ULK4: variants seen among roughly 807,000 people sequenced by gnomAD.
ULK4 encodes the protein unc-51 like kinase 4.
ULK4 carries 133 observed loss-of-function variants against 160.6 expected under a neutral mutation model. The observed-to-expected ratio is 0.83, with a 90% CI of 0.72 to 0.96. The LOEUF (loss-of-function observed/expected upper bound fraction) is 0.96. Ranked by LOEUF, ULK4 falls within the 40% of genes least tolerant of loss-of-function variation. The probability of loss-of-function intolerance (pLI) is 0.00; values close to 1 mark genes in which losing one functional copy is unlikely to be tolerated. For missense variants in ULK4, 1,580 were observed against 1,499.5 expected, an observed-to-expected ratio of 1.05 and a Z score of -0.89; for synonymous variants, 534 against 539.8, an observed-to-expected ratio of 0.99 and a Z score of 0.15.
At chr3:41,747,247 A>G (rs897439167) in intron 22 of ULK4, among the ~76,000 whole-genome samples, 3 of 151,946 alleles carry the variant, frequency 2.0e-5, no homozygotes, top group African/African-American at 4.9e-5. Context: ...TGCAAACCGT[A>G]TATCTGACAG....
At chr3:41,396,329 T>C (rs1028578294) in intron 35 of ULK4, among the ~76,000 whole-genome samples, 1 of 100,970 alleles carries the variant, frequency 9.9e-6, no homozygotes, top group African/African-American at 6.4e-5. Context: ...CTGAAATTTC[T>C]AAGTTTCAAA....
rs551099371 is a variant in ULK4 at position 41,932,003 on chromosome 3, G to A, written c.382C>T (p.Leu128Phe). Residue 128 changes from leucine to phenylalanine, a missense_variant, in exon 5 of 37, where the codon CTC (leucine) becomes TTC (phenylalanine). Transcript: ENST00000301831. ...TTCAGTGTGCCAGGCCCTTCCAAGA[G>A]TATCTATGAAGATCAAATAAATGTT... is the stretch of plus-strand genomic sequence containing the variant. Reference protein sequence around the residue: ...LFCDISPRKILLEGPGTLKFS... With the variant: ...LFCDISPRKIFLEGPGTLKFS... 8.1e-6 allele frequency: 13 copies of A among 1,612,028 alleles called. No individual in the cohort carries two copies. Among genetic ancestry groups the A allele is most frequent in the South Asian group, 3.3e-5 (3 of 90,796 alleles).
intron 17 of ULK4, among the ~76,000 whole-genome samples, chr3:41,859,943 C>T (rs888230337): frequency 6.6e-6 from 1 of 150,670 alleles, no homozygotes; most frequent in African/African-American, 2.4e-5. Context: ...GCTGGGGTTA[C>T]AGGCATGAGC....
At chr3:41,456,208 C>A (rs558753431) in intron 33 of ULK4, among the ~76,000 whole-genome samples, 43 of 152,152 alleles carry the variant, frequency 2.8e-4, no homozygotes, top group Non-Finnish European at 5.3e-4. Context: ...CCGCGCCCAG[C>A]CAAAAGTGCT....
At chr3:41,336,426 T>C (rs1664661179) in intron 35 of ULK4, among the ~76,000 whole-genome samples, 1 of 152,180 alleles carries the variant, frequency 6.6e-6, no homozygotes, top group Non-Finnish European at 1.5e-5. Flanking sequence ...AGAAAAAGTG[T>C]GTCAGAGGAA....
At chr3:41,435,917 T>TA (rs2083025057) in intron 34 of ULK4, among the ~76,000 whole-genome samples, 1 of 151,804 alleles carries the variant, frequency 6.6e-6, no homozygotes, top group Non-Finnish European at 1.5e-5. Flanking sequence ...CATTGTACTC[T>TA]AGCCTGGGCA....
chr3:41,283,965 AAAATAAATAAAT>A lies in ULK4; in HGVS notation c.3679-34403_3679-34392del, dbSNP rs58834032. On this transcript the variant is annotated intron_variant, in intron 35 of 36. Coordinates refer to ENST00000301831, the MANE Select transcript of ULK4 (RefSeq NM_017886.4). Reference sequence around the variant, plus strand: ...TCAACCCCTTTTACAATAGCTGCCAAAAATAAATAAATAAATAAATAAATAAAATACTTAGGA... The same window carrying A: ...TCAACCCCTTTTACAATAGCTGCCAAAAATAAATAAATAAAATACTTAGGA... Among the ~76,000 whole-genome samples, 380 of 150,438 alleles carry A rather than the reference AAAATAAATAAAT, an allele frequency of 2.5e-3. 1 individual carries two copies. The highest frequency in any genetic ancestry group is 9.0e-3 in the African/African-American group (364 of 40,656).
At chr3:41,834,907 C>T (rs1463657971) in intron 18 of ULK4, among the ~76,000 whole-genome samples, 1 of 151,980 alleles carries the variant, frequency 6.6e-6, no homozygotes, top group Non-Finnish European at 1.5e-5. Flanking sequence ...TAGCCAGGCA[C>T]GGAGGTGCAT....
chr3:41,641,615 C>T (rs947197088), intron 30 of ULK4, among the ~76,000 whole-genome samples: 1 of 152,090 alleles, frequency 6.6e-6, no homozygotes. Context: ...AAACCACTGG[C>T]CCTAAAGCCT....
At chr3:41,416,822 G>C (rs1364864573) in intron 34 of ULK4, among the ~76,000 whole-genome samples, 1 of 152,090 alleles carries the variant, frequency 6.6e-6, no homozygotes, top group Admixed American at 6.6e-5. Context: ...GGAGAAAGGG[G>C]GACCCAAATT....
intron 35 of ULK4, among the ~76,000 whole-genome samples, chr3:41,272,753 C>CTTT (rs2079160362): frequency 6.6e-6 from 1 of 152,142 alleles, no homozygotes; most frequent in Non-Finnish European, 1.5e-5. Context: ...TGTTAGGACA[C>CTTT]TTAAAGTTAT....
chr3:41,385,370 T>C (rs2081783005), intron 35 of ULK4, among the ~76,000 whole-genome samples: 1 of 152,064 alleles, frequency 6.6e-6, no homozygotes, highest in Non-Finnish European at 1.5e-5. Flanking sequence ...ACAAATTTTA[T>C]CTGCTAGGAT....
rs151236700 is a variant in ULK4, at chr3:41,798,743, G to A, written c.2010+1389C>T. 3.3e-3 allele frequency among the ~76,000 whole-genome samples: 504 copies of A among 151,980 alleles called. 4 individuals carry two copies. Among genetic ancestry groups the A allele is most frequent in the Admixed American group, 7.2e-3 (109 of 15,228 alleles). Reference sequence around the variant, plus strand: ...GGGGGATATGCAGCCAAGATTGTGCGTGTTGTTGAGGGGGCAGGGGTGGTA... The same window carrying A: ...GGGGGATATGCAGCCAAGATTGTGCATGTTGTTGAGGGGGCAGGGGTGGTA... On this transcript the variant is annotated intron_variant, in intron 20 of 36. Transcript: ENST00000301831.
At chr3:41,506,807 T>TATATATATATATATATATATATATAC (rs1559658299) in intron 32 of ULK4, among the ~76,000 whole-genome samples, 2 of 110,694 alleles carry the variant, frequency 1.8e-5, no homozygotes, top group African/African-American at 6.9e-5. Context: ...TATATATATA[T>TATATATATATATATATATATATATAC]GAACATGTTT....
At chr3:41,543,455 G>C (rs1160361758) in intron 32 of ULK4, among the ~76,000 whole-genome samples, 1 of 152,146 alleles carries the variant, frequency 6.6e-6, no homozygotes, top group Non-Finnish European at 1.5e-5. Context: ...GTGTGGAAGA[G>C]ACAGAATCAT....
chr3:41,542,202 A>G (rs1300977520), intron 32 of ULK4, among the ~76,000 whole-genome samples: 1 of 152,156 alleles, frequency 6.6e-6, no homozygotes, highest in African/African-American at 2.4e-5. Flanking sequence ...TCGATACCTC[A>G]TTTATTGACA....
At chr3:41,550,089 C>T (rs1050919588) in intron 32 of ULK4, among the ~76,000 whole-genome samples, 1 of 151,800 alleles carries the variant, frequency 6.6e-6, no homozygotes, top group African/African-American at 2.4e-5. Flanking sequence ...AGGGAAAGGA[C>T]AATATTTACC....
At chr3:41,686,443 C>G (rs557519088) in intron 27 of ULK4, among the ~76,000 whole-genome samples, 3 of 151,950 alleles carry the variant, frequency 2.0e-5, no homozygotes, top group African/African-American at 7.3e-5. Context: ...GATTTAGAGG[C>G]CTAAATTAGA....
chr3:41,926,669 CT>C (rs1699398580), intron 5 of ULK4, among the ~76,000 whole-genome samples: 2 of 152,080 alleles, frequency 1.3e-5, no homozygotes, highest in South Asian at 4.1e-4. Context: ...CCTGATGGAG[CT>C]GAAAAACACA....
Sources: allele counts gnomAD v4.1 joint callset (sites outside exome capture counted in the v4.1 genomes callset), GRCh38; gene constraint gnomAD v4.1.1; transcripts MANE v1.5; gene names NCBI Gene and HGNC (gene_info 2026-07-23, HGNC 2026-07-21).